The following TMEM67 variants were observed in gnomAD, a reference collection of about 807,000 sequenced individuals.
The protein encoded by TMEM67 is transmembrane protein 67, also known as meckelin.
A neutral mutation model predicts 136.6 loss-of-function variants in TMEM67; 124 were observed. The observed-to-expected ratio is 0.91, with a 90% CI of 0.78 to 1.05. The LOEUF (loss-of-function observed/expected upper bound fraction) is 1.05. Among genes scored for constraint, TMEM67 ranks in the 50% least tolerant of loss-of-function variants. TMEM67 has a pLI of 0.00. For synonymous variants in TMEM67, 364 were observed against 390.5 expected, an observed-to-expected ratio of 0.93 and a Z score of 0.80; for missense variants, 1,107 against 1,178.4, an observed-to-expected ratio of 0.94 and a Z score of 0.89.
chr8:93,787,965 A>T lies in TMEM67; in HGVS notation c.1518+16A>T. The stretch of plus-strand genomic sequence containing the variant: ...GTCTGTGAAGGTGAGTTCCTGACTT[A>T]TTAGTGCCCTTGTATGTATAAATAG... On this transcript the variant is annotated intron_variant, in intron 14 of 27. Transcript: ENST00000453321. The T allele has an allele frequency of 6.4e-7, 1 of 1,556,538 alleles. No individual in the cohort carries two copies. The highest frequency in any genetic ancestry group is 8.9e-7 in the Non-Finnish European group (1 of 1,127,440).
At chr8:93,805,580 CAA>C (rs370408912) in intron 23 of TMEM67, among the ~76,000 whole-genome samples, 8 of 58,762 alleles carry the variant, frequency 1.4e-4, no homozygotes, top group Admixed American at 1.8e-4. Flanking sequence ...GACTCCGTCT[CAA>C]AAAAAAAAAA....
chr8:93,764,011 AGT>A (rs1321298180), intron 4 of TMEM67, 70 bp downstream of exon 4: 1 of 1,029,152 alleles, frequency 9.7e-7, no homozygotes, highest in Non-Finnish European at 1.5e-6. Flanking sequence ...TACTTTTAAG[AGT>A]GTTTTCCTAT....
chr8:93,795,212 G>T lies in TMEM67; in HGVS notation c.1675-197G>T. The T allele has an allele frequency of 9.8e-6, 6 of 612,812 alleles. No homozygotes were observed. The South Asian group carries it at 1.2e-4, about 12-fold the overall frequency. 38.0% of individuals were successfully genotyped at this position (612,812 alleles called of 1,614,324 possible). Reference sequence around the variant, plus strand: ...GTTGAAAGAAGAGGCTACCAGGAACGGCCAGAAAGGTAAGGAGCCAAAAGG... The same window carrying T: ...GTTGAAAGAAGAGGCTACCAGGAACTGCCAGAAAGGTAAGGAGCCAAAAGG... On this transcript the variant is annotated intron_variant, in intron 16 of 27. Transcript: ENST00000453321.
At chr8:93,829,541 G>C in the TMEM67 span, among the ~76,000 whole-genome samples, 3 of 152,068 alleles carry the variant, frequency 2.0e-5, no homozygotes, top group African/African-American at 7.2e-5. Context: ...TGCAGCCAGG[G>C]GCCTCTTCTC....
At chr8:93,830,695 C>T in the TMEM67 span, among the ~76,000 whole-genome samples, 1 of 152,192 alleles carries the variant, frequency 6.6e-6, no homozygotes, top group Non-Finnish European at 1.5e-5. Flanking sequence ...TTATTTTATC[C>T]ACACTTAGAC....
At chr8:93,791,487 T>C (rs1814373544) in intron 15 of TMEM67, among the ~76,000 whole-genome samples, 168 bp downstream of exon 15, 1 of 152,246 alleles carries the variant, frequency 6.6e-6, no homozygotes, top group South Asian at 2.1e-4. Flanking sequence ...GAAATTAATA[T>C]TGATGTAGTC....
intron 7 of TMEM67, among the ~76,000 whole-genome samples, chr8:93,775,024 T>C (rs1813478252): frequency 6.6e-6 from 1 of 152,184 alleles, no homozygotes; most frequent in Admixed American, 6.5e-5. Context: ...ATCTGTTGTT[T>C]CCTAACTTTT....
the TMEM67 span, among the ~76,000 whole-genome samples, chr8:93,828,405 A>G: frequency 6.6e-6 from 1 of 152,330 alleles, no homozygotes; most frequent in Admixed American, 6.5e-5. Context: ...ACTCTTGATT[A>G]ATTGACTTCA....
rs191759530 is a variant in TMEM67 at position 93,816,388 on chromosome 8, G to A, written c.2924G>A (p.Arg975His). Residue 975 changes from arginine (R) to histidine (H), a missense_variant, in exon 28 of 28, where the codon CGT becomes CAT. By Grantham distance (29) the Arg-to-His change is conservative (BLOSUM62 0). This residue lies in a region of TMEM67 where 925 missense variants were observed against 1,002.4 expected (regional missense o/e 0.92). Coordinates refer to ENST00000453321, the MANE Select transcript of TMEM67 (RefSeq NM_153704.6). ...ATTTTCCAGATTTTTAGATATATCC[G>A]TAATACAGTAGGACAAAAGAATTTG... ...YLQQEIFRYI[R>H]NTVGQKNLAS... 4.0e-5 allele frequency: 63 copies of A among 1,567,706 alleles called. No individual in the cohort carries two copies. The highest frequency in any genetic ancestry group is 6.8e-5 in the East Asian group (3 of 44,342).
chr8:93,795,781 C>T, intron 17 of TMEM67, 120 bp from the exon 18 acceptor site: 1 of 762,476 alleles, frequency 1.3e-6, no homozygotes, highest in Admixed American at 2.4e-5. Context: ...TCAAGTCCTG[C>T]CCGGGCAGCA....
chr8:93,792,393 C>T (rs1171689651), intron 15 of TMEM67, among the ~76,000 whole-genome samples: 5 of 151,980 alleles, frequency 3.3e-5, no homozygotes, highest in Non-Finnish European at 5.9e-5. Context: ...AGACTGGTCT[C>T]GAACTCCTGA....
intron 7 of TMEM67, among the ~76,000 whole-genome samples, chr8:93,774,310 C>T (rs550479998): frequency 5.6e-4 from 85 of 152,222 alleles, no homozygotes; most frequent in Non-Finnish European, 9.4e-4. Context: ...CCACCATGCC[C>T]GGCTTAGAAT....
In TMEM67 at chr8:93,804,863, C is replaced by T; in HGVS notation, c.2424C>T (p.Asn808=). 6.4e-7 allele frequency: 1 copy of T among 1,572,670 alleles called. No individual in the cohort carries two copies. The highest frequency in any genetic ancestry group is 2.2e-5 in the East Asian group (1 of 44,564). Residue 808 remains asparagine, a synonymous_variant, in exon 23 of 28, where the codon AAC becomes AAT. Coordinates refer to ENST00000453321, the MANE Select transcript of TMEM67 (RefSeq NM_153704.6). The part of the protein sequence containing the change: ...ADTNMEEMNM[N]LKREAENLCS... ...CTAATATGGAAGAAATGAATATGAA[C>T]CTTAAAAGAGAAGCGGTATGAAAAT...
At chr8:93,766,855 G>A (rs1813103051) in intron 6 of TMEM67, among the ~76,000 whole-genome samples, 2 of 152,084 alleles carry the variant, frequency 1.3e-5, no homozygotes, top group South Asian at 2.1e-4. Context: ...AAATACATAG[G>A]TAGCTCTGGG....
At chr8:93,788,133 C>G (rs1393158775) in intron 14 of TMEM67, among the ~76,000 whole-genome samples, 184 bp downstream of exon 14, 2 of 151,344 alleles carry the variant, frequency 1.3e-5, no homozygotes, top group East Asian at 3.9e-4. Flanking sequence ...CTTATGGATC[C>G]TGAGTATAAA....
chr8:93,781,967 G>A (rs1006746496), intron 10 of TMEM67, among the ~76,000 whole-genome samples: 2 of 151,548 alleles, frequency 1.3e-5, no homozygotes, highest in Admixed American at 1.3e-4. Context: ...TAACCAGGCT[G>A]GAGTGCAGTG....
At chr8:93,760,103 A>G (rs1052726295) in intron 3 of TMEM67, 25 of 727,214 alleles carry the variant, frequency 3.4e-5, no homozygotes, top group Non-Finnish European at 4.6e-5. Flanking sequence ...ACCAGTCTGT[A>G]TATTTTAAAG....
chr8:93,773,144 A>C (rs1033305131), intron 7 of TMEM67, among the ~76,000 whole-genome samples: 1 of 152,200 alleles, frequency 6.6e-6, no homozygotes, highest in African/African-American at 2.4e-5. Context: ...AACTGAAAAA[A>C]GTGAGAGTGA....
intron 2 of TMEM67, among the ~76,000 whole-genome samples, 152 bp from the exon 3 acceptor site, chr8:93,758,329 TTA>T (rs1266894433): frequency 6.6e-6 from 1 of 152,252 alleles, no homozygotes; most frequent in African/African-American, 2.4e-5. Context: ...TAAGCATGAA[TTA>T]TCTCTCCAGG....
Sources: gnomAD v4.1 joint callset for allele counts (sites outside exome capture counted in the v4.1 genomes callset) on GRCh38, gnomAD v4.1.1 for gene constraint, gnomAD v4.1.1 regional missense constraint, MANE v1.5 for transcripts, NCBI Gene and HGNC (gene_info 2026-07-23, HGNC 2026-07-21) for gene names.